FAM81A: variants seen among roughly 807,000 people sequenced by gnomAD.
FAM81A encodes family with sequence similarity 81 member A, also known as protein FAM81A.
In FAM81A, 19 loss-of-function variants were observed where a neutral mutation model predicts 46.7. That is an observed-to-expected ratio of 0.41 (90% CI 0.28 to 0.60). The LOEUF (loss-of-function observed/expected upper bound fraction) is 0.60. Among genes scored for constraint, FAM81A ranks in the 20% least tolerant of loss-of-function variants. The probability of loss-of-function intolerance (pLI) is 0.34; values close to 1 mark genes in which losing one functional copy is unlikely to be tolerated. For synonymous variants in FAM81A, 183 were observed against 152.9 expected (o/e 1.20, Z -1.45); for missense variants, 377 against 453.5 (o/e 0.83, Z 1.53).
At chr15:59,447,496 A>C (rs1435593315) in intron 1 of FAM81A, among the ~76,000 whole-genome samples, 1 of 152,248 alleles carries the variant, frequency 6.6e-6, no homozygotes, top group African/African-American at 2.4e-5. Context: ...TGAAGGAGAC[A>C]GAGTGTGCTT....
intron 2 of FAM81A, among the ~76,000 whole-genome samples, chr15:59,431,900 T>A (rs976760635): frequency 5.9e-5 from 9 of 152,228 alleles, no homozygotes; most frequent in South Asian, 2.1e-4. Context: ...TAGAGAATCC[T>A]GCAACCCTTT....
intron 4 of FAM81A, among the ~76,000 whole-genome samples, chr15:59,502,703 G>T (rs1006875160): frequency 5.3e-5 from 8 of 151,888 alleles, no homozygotes; most frequent in African/African-American, 1.9e-4. Flanking sequence ...TTATTTTTTA[G>T]TAGAGACGGG....
chr15:59,433,446 G>A (rs2081229835), upstream of FAM81A, among the ~76,000 whole-genome samples: 1 of 152,022 alleles, frequency 6.6e-6, no homozygotes, highest in South Asian at 2.1e-4. Flanking sequence ...TCAATATTTT[G>A]TGCTTTCTCT....
chr15:59,450,315 G>A lies in FAM81A; in HGVS notation c.-77-8235G>A, dbSNP rs149826610. 1.8e-4 allele frequency among the ~76,000 whole-genome samples: 27 copies of A among 151,974 alleles called. 1 individual carries two copies. In the East Asian group the frequency reaches 4.2e-3, roughly 24 times the overall value. ...TTCTTCCATTTGCCTAATGATGGGC[G>A]TTCATTCCCCACTCCTCACTTTTTT... On this transcript the variant is annotated intron_variant, in intron 1 of 8. Transcript: ENST00000288228.
At chr15:59,491,966 A>G (rs2081985933) in intron 3 of FAM81A, among the ~76,000 whole-genome samples, 1 of 136,982 alleles carries the variant, frequency 7.3e-6, no homozygotes, top group South Asian at 2.2e-4. Context: ...ACTCCATCTC[A>G]AAAAAAAAAG....
At chr15:59,504,385 C>T (rs982127901) in intron 4 of FAM81A, among the ~76,000 whole-genome samples, 1 of 152,042 alleles carries the variant, frequency 6.6e-6, no homozygotes. Context: ...TAAGCCTCTA[C>T]CATATGCAAG....
At chr15:59,414,381 G>A (rs570126592) in intron 2 of FAM81A, among the ~76,000 whole-genome samples, 11 of 152,298 alleles carry the variant, frequency 7.2e-5, no homozygotes, top group South Asian at 4.1e-4. Context: ...CAGGAGAAAA[G>A]TTATACAAAT....
upstream of FAM81A, chr15:59,438,150 G>A (rs1168210313): frequency 1.4e-5 from 2 of 146,192 alleles, no homozygotes; most frequent in Non-Finnish European, 3.0e-5. Flanking sequence ...CGGCAGGCGC[G>A]CGCTGATTGG....
At position 59,459,984 on chromosome 15, in the gene FAM81A, C is replaced by T. The variant is rs1344065331; in HGVS notation, c.72C>T (p.Tyr24=). The T allele has an allele frequency of 2.5e-6, 4 of 1,612,370 alleles. No individual in the cohort carries two copies. In the African/African-American group the frequency reaches 5.3e-5, roughly 22 times the overall value. Reference sequence around the variant, plus strand: ...GCCAGTCCCTGACCATGGCACCATACTCATCTGTAAGCCTCGTGGAGCAGC... The same window carrying T: ...GCCAGTCCCTGACCATGGCACCATATTCATCTGTAAGCCTCGTGGAGCAGC... ...RHSQSLTMAP[Y]SSVSLVEQLE... The change falls in exon 3 of 9, where the codon TAC becomes TAT. Residue 24 remains tyrosine (Y), a synonymous_variant. Coordinates refer to ENST00000288228, the MANE Select transcript of FAM81A (RefSeq NM_152450.3).
chr15:59,419,309 G>A (rs1206705667), intron 2 of FAM81A, among the ~76,000 whole-genome samples: 1 of 152,102 alleles, frequency 6.6e-6, no homozygotes, highest in Non-Finnish European at 1.5e-5. Context: ...TTAGGGAAGT[G>A]GAAGATACAA....
At chr15:59,411,539 A>G (rs756764941) in intron 2 of FAM81A, among the ~76,000 whole-genome samples, 4 of 152,204 alleles carry the variant, frequency 2.6e-5, no homozygotes, top group Non-Finnish European at 5.9e-5. Context: ...CCTTCAGAGC[A>G]GGGAAAAGAC....
chr15:59,502,335 C>A (rs896570414), intron 4 of FAM81A, among the ~76,000 whole-genome samples: 2 of 151,172 alleles, frequency 1.3e-5, no homozygotes, highest in Non-Finnish European at 2.9e-5. Flanking sequence ...CTTCCCGCTC[C>A]CCCCCCAACA....
chr15:59,520,958 C>A (rs1277143280), intron 8 of FAM81A, among the ~76,000 whole-genome samples: 3 of 152,144 alleles, frequency 2.0e-5, no homozygotes, highest in African/African-American at 7.2e-5. Flanking sequence ...GGTATCTTTT[C>A]AGAAGTTACG....
chr15:59,412,814 TC>T (rs1305565278), intron 2 of FAM81A, among the ~76,000 whole-genome samples: 2 of 151,978 alleles, frequency 1.3e-5, no homozygotes, highest in African/African-American at 4.8e-5. Context: ...ACTCTGGGCA[TC>T]GGGGTAGGAA....
intron 2 of FAM81A, among the ~76,000 whole-genome samples, chr15:59,421,745 G>GTCTATCTATCTATCTA (rs1242529010): frequency 1.4e-4 from 11 of 76,658 alleles, no homozygotes; most frequent in African/African-American, 4.8e-4. Flanking sequence ...CTATCTATCT[G>GTCTATCTATCTATCTA]TCTATCTATC....
intron 4 of FAM81A, among the ~76,000 whole-genome samples, chr15:59,502,964 A>G (rs1452693407): frequency 1.3e-5 from 2 of 152,034 alleles, no homozygotes; most frequent in Non-Finnish European, 2.9e-5. Flanking sequence ...TACAAAATAA[A>G]AATGAAGCCT....
At chr15:59,401,407 A>G in intron 1 of FAM81A, 2 of 798,026 alleles carry the variant, frequency 2.5e-6, no homozygotes, top group East Asian at 2.4e-5. Context: ...TCTTCTTTAC[A>G]CCAAATATTG....
intron 2 of FAM81A, among the ~76,000 whole-genome samples, chr15:59,404,817 A>G (rs4369593): frequency 0.41 from 62,302 of 151,990 alleles, 14,446 homozygotes; most frequent in Admixed American, 0.51. Flanking sequence ...ACTGTTCAAA[A>G]CTCTTCCAAT....
intron 2 of FAM81A, among the ~76,000 whole-genome samples, chr15:59,415,383 G>C (rs2081142218): frequency 6.6e-6 from 1 of 152,150 alleles, no homozygotes; most frequent in African/African-American, 2.4e-5. Flanking sequence ...CTCCTAGAAT[G>C]CTGGGATTAC....
Sources: gnomAD v4.1 joint callset for allele counts (sites outside exome capture counted in the v4.1 genomes callset) on GRCh38, gnomAD v4.1.1 for gene constraint, MANE v1.5 for transcripts, NCBI Gene and HGNC (gene_info 2026-07-23, HGNC 2026-07-21) for gene names.